The following B3GALT1 variants were observed in gnomAD, a reference collection of about 807,000 sequenced individuals.
The protein encoded by B3GALT1 is beta-1,3-galactosyltransferase 1.
In B3GALT1, 10 loss-of-function variants were observed where a neutral mutation model predicts 23.2. The observed-to-expected ratio is 0.43, with a 90% CI of 0.27 to 0.73. The LOEUF is 0.73. Among genes scored for constraint, B3GALT1 ranks in the 30% least tolerant of loss-of-function variants. The pLI, the probability that B3GALT1 is intolerant of heterozygous loss-of-function variation, is 0.21. For synonymous variants in B3GALT1, 156 were observed against 141.5 expected, an observed-to-expected ratio of 1.10 and a Z score of -0.73; for missense variants, 299 against 405.4, an observed-to-expected ratio of 0.74 and a Z score of 2.25.
At chr2:167,571,232 C>G (rs1338310056) in intron 2 of B3GALT1, among the ~76,000 whole-genome samples, 1 of 151,864 alleles carries the variant, frequency 6.6e-6, no homozygotes, top group African/African-American at 2.4e-5. Context: ...TAATGAAAGT[C>G]TCTGCATTCA....
At chr2:167,295,856 G>A (rs1696343162) in intron 1 of B3GALT1, among the ~76,000 whole-genome samples, 1 of 151,758 alleles carries the variant, frequency 6.6e-6, no homozygotes. Context: ...AAACGAGTAG[G>A]ACAAATATAA....
At chr2:167,665,731 A>G (rs1686166182) in intron 3 of B3GALT1, among the ~76,000 whole-genome samples, 1 of 151,940 alleles carries the variant, frequency 6.6e-6, no homozygotes, top group African/African-American at 2.4e-5. Context: ...TTTCTTTTAG[A>G]TTTTCTAGTT....
chr2:167,626,140 A>G (rs2105443293), intron 2 of B3GALT1, among the ~76,000 whole-genome samples: 1 of 151,422 alleles, frequency 6.6e-6, no homozygotes, highest in Admixed American at 6.6e-5. Flanking sequence ...CATGAGCAGA[A>G]TAAAAACTAT....
At chr2:167,752,361 A>T (rs983233555) in intron 3 of B3GALT1, among the ~76,000 whole-genome samples, 11 of 152,212 alleles carry the variant, frequency 7.2e-5, no homozygotes, top group African/African-American at 2.7e-4. Flanking sequence ...CAGTGTACTT[A>T]CAAATGAAAG....
chr2:167,325,451 C>T (rs191956499), intron 1 of B3GALT1, among the ~76,000 whole-genome samples: 3 of 151,900 alleles, frequency 2.0e-5, no homozygotes, highest in East Asian at 3.9e-4. Flanking sequence ...GGAGGTGCTA[C>T]GTACTTTTAA....
intron 2 of B3GALT1, among the ~76,000 whole-genome samples, chr2:167,570,342 T>TA (rs144817809): frequency 0.012 from 1,811 of 152,014 alleles, 34 homozygotes; most frequent in African/African-American, 0.041. Context: ...ATTTCTGTAA[T>TA]AGATATAGGT....
intron 2 of B3GALT1, among the ~76,000 whole-genome samples, chr2:167,616,372 C>T (rs955793896): frequency 1.3e-5 from 2 of 151,932 alleles, no homozygotes; most frequent in Non-Finnish European, 2.9e-5. Context: ...TGTGTGTATG[C>T]GTGCGTGCAC....
chr2:167,798,495 C>A (rs1215635128), intron 3 of B3GALT1, among the ~76,000 whole-genome samples: 1 of 152,156 alleles, frequency 6.6e-6, no homozygotes, highest in Non-Finnish European at 1.5e-5. Context: ...TTTTTATTTT[C>A]TGCACATGGC....
At chr2:167,327,387 A>G (rs1375099321) in intron 1 of B3GALT1, among the ~76,000 whole-genome samples, 1 of 152,116 alleles carries the variant, frequency 6.6e-6, no homozygotes, top group Non-Finnish European at 1.5e-5. Context: ...ATCCATGAAT[A>G]TAGGATGTCT....
At chr2:167,863,583 TACTG>T (rs1438586802) in intron 4 of B3GALT1, among the ~76,000 whole-genome samples, 45 of 152,218 alleles carry the variant, frequency 3.0e-4, no homozygotes, top group African/African-American at 1.0e-3. Flanking sequence ...ACCACAGACA[TACTG>T]ACCCATTACC....
intron 3 of B3GALT1, among the ~76,000 whole-genome samples, chr2:167,787,715 C>G (rs1394108806): frequency 4.6e-5 from 7 of 152,206 alleles, no homozygotes; most frequent in African/African-American, 1.7e-4. Context: ...CCAGTGCTGC[C>G]AAACCAGAGC....
chr2:167,598,832 T>C (rs570800184), intron 2 of B3GALT1, among the ~76,000 whole-genome samples: 10 of 152,324 alleles, frequency 6.6e-5, no homozygotes, highest in African/African-American at 2.4e-4. Context: ...TTATAATTGC[T>C]TAAGGCTTTT....
intron 2 of B3GALT1, among the ~76,000 whole-genome samples, chr2:167,496,006 A>G (rs564733226): frequency 6.6e-6 from 1 of 152,346 alleles, no homozygotes; most frequent in Admixed American, 6.5e-5. Context: ...AGTAGAAGAA[A>G]GAAACATTTC....
intron 3 of B3GALT1, among the ~76,000 whole-genome samples, chr2:167,679,126 T>TG (rs1686482762): frequency 6.6e-6 from 1 of 151,490 alleles, no homozygotes; most frequent in South Asian, 2.1e-4. Flanking sequence ...GTTTTTGTTT[T>TG]TTTTTTTGAG....
intron 3 of B3GALT1, among the ~76,000 whole-genome samples, chr2:167,726,993 G>A (rs962543612): frequency 6.6e-6 from 1 of 152,204 alleles, no homozygotes; most frequent in African/African-American, 2.4e-5. Flanking sequence ...CAGGTGTAAA[G>A]CTATGTCATG....
At chr2:167,853,033 T>A (rs188053863) in intron 4 of B3GALT1, among the ~76,000 whole-genome samples, 6 of 152,306 alleles carry the variant, frequency 3.9e-5, no homozygotes, top group Admixed American at 2.0e-4. Context: ...ATTGAAAAAT[T>A]AACCTATTGA....
At chr2:167,760,570 A>C (rs924418620) in intron 3 of B3GALT1, among the ~76,000 whole-genome samples, 2 of 152,186 alleles carry the variant, frequency 1.3e-5, no homozygotes, top group African/African-American at 4.8e-5. Context: ...AGGCCCAACA[A>C]CATCACAGTC....
intron 3 of B3GALT1, chr2:167,713,688 A>G (rs1409595440): frequency 2.0e-6 from 3 of 1,469,142 alleles, no homozygotes; most frequent in Non-Finnish European, 2.8e-6. Context: ...GATGTTCAGT[A>G]GCAGGCTCCT....
intron 2 of B3GALT1, among the ~76,000 whole-genome samples, chr2:167,592,404 G>A (rs1266343653): frequency 1.3e-5 from 2 of 152,156 alleles, no homozygotes; most frequent in African/African-American, 4.8e-5. Flanking sequence ...ATAGGAGGGA[G>A]GTGCTGCATG....
Sources: gnomAD v4.1 joint callset for allele counts (sites outside exome capture counted in the v4.1 genomes callset) on GRCh38, gnomAD v4.1.1 for gene constraint, MANE v1.5 for transcripts, NCBI Gene and HGNC (gene_info 2026-07-23, HGNC 2026-07-21) for gene names.